Variants in PPFIA2 observed in about 807,000 individuals in gnomAD.
The protein encoded by PPFIA2 is liprin-alpha-2.
A neutral mutation model predicts 175.5 loss-of-function variants in PPFIA2; 46 were observed. That is an observed-to-expected ratio of 0.26 (90% CI 0.21 to 0.34). The LOEUF (loss-of-function observed/expected upper bound fraction) is 0.34. Ranked by LOEUF, PPFIA2 falls within the 10% of genes least tolerant of loss-of-function variation. The pLI, the probability that PPFIA2 is intolerant of heterozygous loss-of-function variation, is 1.00. For missense variants in PPFIA2, 1,179 were observed against 1,506.1 expected (o/e 0.78, Z 3.60); for synonymous variants, 568 against 511.4 (o/e 1.11, Z -1.49).
At chr12:81,446,780 T>C (rs146762348) in intron 5 of PPFIA2, among the ~76,000 whole-genome samples, 64 of 152,320 alleles carry the variant, frequency 4.2e-4, no homozygotes, top group African/African-American at 1.4e-3. Flanking sequence ...CTTTTCAAGA[T>C]ATTTTCTAAA....
chr12:81,729,183 G>A (rs185963059), intron 3 of PPFIA2, among the ~76,000 whole-genome samples: 20 of 151,550 alleles, frequency 1.3e-4, no homozygotes, highest in African/African-American at 4.6e-4. Context: ...GGTCCAAATA[G>A]TGTTATATCT....
At chr12:81,626,112 G>C (rs1420056787) in intron 4 of PPFIA2, among the ~76,000 whole-genome samples, 1 of 151,042 alleles carries the variant, frequency 6.6e-6, no homozygotes, top group Non-Finnish European at 1.5e-5. Context: ...AGGTCTTCAA[G>C]TTATCAATTC....
chr12:81,712,670 A>G (rs2078093104), intron 3 of PPFIA2, among the ~76,000 whole-genome samples: 1 of 151,170 alleles, frequency 6.6e-6, no homozygotes, highest in Admixed American at 6.8e-5. Flanking sequence ...GTGATTTAAC[A>G]GGTGCCTTAC....
intron 4 of PPFIA2, among the ~76,000 whole-genome samples, chr12:81,597,549 A>C (rs935822074): frequency 1.3e-5 from 2 of 152,098 alleles, no homozygotes; most frequent in Admixed American, 1.3e-4. Context: ...TTCTAAGCCA[A>C]GAGGACTTAG....
chr12:81,519,439 G>T (rs1471748345), intron 4 of PPFIA2, among the ~76,000 whole-genome samples: 6 of 152,138 alleles, frequency 3.9e-5, no homozygotes, highest in African/African-American at 1.4e-4. Flanking sequence ...AGGAAATGGA[G>T]AAGAAAATTA....
At chr12:81,472,878 A>G (rs1303881791) in intron 4 of PPFIA2, 1 of 152,242 alleles carries the variant, frequency 6.6e-6, no homozygotes, top group Non-Finnish European at 1.5e-5. Flanking sequence ...AGAAGCAGAA[A>G]GAATCTCAGA....
At chr12:81,527,779 T>C (rs931860217) in intron 4 of PPFIA2, among the ~76,000 whole-genome samples, 3 of 152,088 alleles carry the variant, frequency 2.0e-5, no homozygotes, top group Non-Finnish European at 4.4e-5. Context: ...TTAGATGATG[T>C]CATGAGGGTT....
At chr12:81,303,998 C>T (rs376692954) in intron 22 of PPFIA2, among the ~76,000 whole-genome samples, 3 of 152,242 alleles carry the variant, frequency 2.0e-5, no homozygotes, top group South Asian at 2.1e-4. Flanking sequence ...AATTGGTATA[C>T]GAGTAGAGTC....
intron 8 of PPFIA2, among the ~76,000 whole-genome samples, chr12:81,394,050 T>C (rs1566628993): frequency 6.6e-6 from 1 of 152,058 alleles, no homozygotes; most frequent in Admixed American, 6.6e-5. Flanking sequence ...AAGTGATACT[T>C]TGAGGGCTAA....
intron 3 of PPFIA2, among the ~76,000 whole-genome samples, chr12:81,690,507 C>G (rs999253668): frequency 2.0e-5 from 3 of 152,054 alleles, no homozygotes; most frequent in African/African-American, 7.2e-5. Flanking sequence ...TCCTCCTCCC[C>G]CAACACACAG....
At chr12:81,313,258 A>G (rs1447778749) in intron 22 of PPFIA2, among the ~76,000 whole-genome samples, 19 of 152,146 alleles carry the variant, frequency 1.2e-4, no homozygotes, top group Admixed American at 1.2e-3. Flanking sequence ...AATTGTTACT[A>G]CAACTCATAA....
intron 4 of PPFIA2, among the ~76,000 whole-genome samples, chr12:81,671,316 A>T (rs2071371823): frequency 6.6e-6 from 1 of 151,894 alleles, no homozygotes; most frequent in Non-Finnish European, 1.5e-5. Context: ...CTCATGAGTC[A>T]ATCCATTCTT....
rs1027375745 is a variant in PPFIA2, at chr12:81,738,761, T to C, written c.249+15212A>G. ...AATATACAAGTATTTACAGTAATTA[T>C]AAAGATACCAAATAATTTAAAGAGA... On this transcript the variant is annotated intron_variant, in intron 3 of 32. Transcript: ENST00000549396. Among the ~76,000 whole-genome samples, 21 of 151,870 alleles carry C rather than the reference T, an allele frequency of 1.4e-4. 1 individual carries two copies. Among genetic ancestry groups the C allele is most frequent in the Admixed American group, 9.2e-4 (14 of 15,234 alleles).
intron 7 of PPFIA2, among the ~76,000 whole-genome samples, chr12:81,426,465 C>T (rs2047151467): frequency 6.6e-6 from 1 of 152,088 alleles, no homozygotes; most frequent in African/African-American, 2.4e-5. Flanking sequence ...CAGTTGGTAT[C>T]AGAAGTGAGG....
chr12:81,415,213 ATATATATATATATATATATAT>A (rs2044953941), intron 7 of PPFIA2, among the ~76,000 whole-genome samples: 4 of 20,442 alleles, frequency 2.0e-4, no homozygotes, highest in African/African-American at 5.7e-4. Flanking sequence ...AAAAAAAAAT[ATATATATATATATATATATAT>A]ATATATATAT....
intron 4 of PPFIA2, among the ~76,000 whole-genome samples, chr12:81,609,016 A>AT (rs566366190): frequency 3.3e-4 from 50 of 151,800 alleles, no homozygotes; most frequent in African/African-American, 1.1e-3. Flanking sequence ...ATTTCAAAGA[A>AT]TTTTTTTTAT....
chr12:81,445,855 A>T, intron 5 of PPFIA2, 135 bp from the exon 6 acceptor site: 1 of 722,254 alleles, frequency 1.4e-6, no homozygotes, highest in Non-Finnish European at 2.2e-6. Context: ...AAGCAGCAAC[A>T]AAGAAGCACA....
chr12:81,374,623 T>C lies in PPFIA2; in HGVS notation c.1266+11A>G, dbSNP rs762143403. 10 of 1,601,216 alleles carry C rather than the reference T, an allele frequency of 6.2e-6. No homozygotes were observed. In the Admixed American group the frequency reaches 1.4e-4, roughly 22 times the overall value. The stretch of plus-strand genomic sequence containing the variant: ...ATATATCTAGGTTGACCAGTTGTTC[T>C]AGTGCAGTACCTTGGTTAGGGCTGC... On this transcript the variant is annotated intron_variant, in intron 11 of 32. Transcript: ENST00000549396.
At chr12:81,572,397 ATG>A (rs1052376230) in intron 4 of PPFIA2, among the ~76,000 whole-genome samples, 58 of 152,092 alleles carry the variant, frequency 3.8e-4, no homozygotes, top group African/African-American at 1.2e-3. Context: ...TATAATAAAT[ATG>A]TGTTTCCTTA....
Sources: gnomAD v4.1 joint callset for allele counts (sites outside exome capture counted in the v4.1 genomes callset) on GRCh38, gnomAD v4.1.1 for gene constraint, MANE v1.5 for transcripts, NCBI Gene and HGNC (gene_info 2026-07-23, HGNC 2026-07-21) for gene names.